The following ARHGEF7 variants were observed in gnomAD, a reference collection of about 807,000 sequenced individuals.
ARHGEF7 encodes the protein PAK-interacting exchange factor beta.
In ARHGEF7, 33 loss-of-function variants were observed where a neutral mutation model predicts 109.8. That is an observed-to-expected ratio of 0.30 (90% CI 0.23 to 0.40). The LOEUF (loss-of-function observed/expected upper bound fraction) is 0.40. Ranked by LOEUF, ARHGEF7 falls within the 10% of genes least tolerant of loss-of-function variation. ARHGEF7 has a pLI of 1.00. For missense variants in ARHGEF7, 938 were observed against 1,098.5 expected (o/e 0.85, Z 2.07); for synonymous variants, 458 against 424.6 (o/e 1.08, Z -0.97).
intron 4 of ARHGEF7, among the ~76,000 whole-genome samples, chr13:111,212,842 G>A (rs1324708373): frequency 6.6e-6 from 1 of 152,158 alleles, no homozygotes; most frequent in African/African-American, 2.4e-5. Flanking sequence ...TCTTACAGTT[G>A]ATGGTATGCC....
intron 15 of ARHGEF7, 169 bp downstream of exon 15, chr13:111,280,846 GA>G: frequency 1.4e-6 from 1 of 739,894 alleles, no homozygotes. Context: ...GTGCAGTAGT[GA>G]ATTGTTTTCC....
intron 12 of ARHGEF7, among the ~76,000 whole-genome samples, chr13:111,276,384 T>C (rs1225521147): frequency 6.6e-6 from 1 of 152,250 alleles, no homozygotes; most frequent in Admixed American, 6.5e-5. Flanking sequence ...TGTGTTTTCC[T>C]TTCCACCTGT....
chr13:111,171,979 C>A (rs1270172657), intron 2 of ARHGEF7, among the ~76,000 whole-genome samples: 1 of 152,214 alleles, frequency 6.6e-6, no homozygotes, highest in Non-Finnish European at 1.5e-5. Flanking sequence ...CTTGGACTTC[C>A]CAGTTCCAGA....
chr13:111,174,383 A>G lies in ARHGEF7; in HGVS notation c.252+20392A>G, dbSNP rs577036936. Among the ~76,000 whole-genome samples the G allele has an allele frequency of 1.2e-4, 18 of 152,280 alleles. No homozygotes were observed. In the South Asian group the frequency reaches 3.5e-3, roughly 30 times the overall value. On this transcript the variant is annotated intron_variant, in intron 2 of 21. Transcript: ENST00000646102. ...CATCTTCATGTCTTCCGAATTCTTC[A>G]AGGCTTTTTTCTCCCCCTTTGGTCC... is the stretch of plus-strand genomic sequence containing the variant.
chr13:111,286,527 T>G (rs1434282164), intron 17 of ARHGEF7, among the ~76,000 whole-genome samples: 1 of 152,150 alleles, frequency 6.6e-6, no homozygotes, highest in African/African-American at 2.4e-5. Context: ...CTCCTGCTCT[T>G]CTGGTTCTCC....
At chr13:111,233,722 G>A (rs1379491727) in intron 6 of ARHGEF7, among the ~76,000 whole-genome samples, 1 of 152,160 alleles carries the variant, frequency 6.6e-6, no homozygotes, top group African/African-American at 2.4e-5. Context: ...GTGTTTCCCA[G>A]GATTGATGTG....
intron 5 of ARHGEF7, among the ~76,000 whole-genome samples, chr13:111,232,435 G>A (rs911241309): frequency 4.6e-5 from 7 of 152,152 alleles, no homozygotes; most frequent in East Asian, 1.9e-4. Flanking sequence ...ACCCCCTCCC[G>A]TAGAACCATT....
At chr13:111,238,339 A>G (rs1244122122) in intron 6 of ARHGEF7, among the ~76,000 whole-genome samples, 7 of 152,182 alleles carry the variant, frequency 4.6e-5, no homozygotes, top group Non-Finnish European at 8.8e-5. Flanking sequence ...TGAGATTGGT[A>G]ATGCTGGCCC....
chr13:111,234,615 A>G (rs955573555), intron 6 of ARHGEF7, among the ~76,000 whole-genome samples: 1 of 152,134 alleles, frequency 6.6e-6, no homozygotes, highest in Non-Finnish European at 1.5e-5. Flanking sequence ...CTCCTCATGC[A>G]TCATGCCACT....
Position 111,153,958 on chromosome 13 carries a change from C to T in ARHGEF7, c.219C>T (p.Phe73=), listed in dbSNP as rs2076081710. The change falls in exon 2 of 22, where the codon TTC becomes TTT. Residue 73 remains phenylalanine, a synonymous_variant. Transcript: ENST00000646102. ...AGTGCCTGAGCAACATCCGCGAGTT[C>T]CTGCGCGGCTGCGGGGCTTCCCTGC... ...ESECLSNIRE[F]LRGCGASLRL... is the part of the protein sequence containing the mutation. 5.6e-6 allele frequency: 9 copies of T among 1,604,458 alleles called. No homozygotes were observed. The highest frequency in any genetic ancestry group is 4.1e-5 in the African/African-American group (3 of 73,290).
intron 8 of ARHGEF7, among the ~76,000 whole-genome samples, chr13:111,264,553 G>C (rs984549274): frequency 1.3e-5 from 2 of 152,122 alleles, no homozygotes; most frequent in African/African-American, 4.8e-5. Context: ...TGCTGTTGCA[G>C]ACCCCACTAA....
At chr13:111,178,738 G>A (rs577641351) in intron 2 of ARHGEF7, among the ~76,000 whole-genome samples, 1 of 152,210 alleles carries the variant, frequency 6.6e-6, no homozygotes, top group African/African-American at 2.4e-5. Context: ...TTCTCTAACT[G>A]TCTCGTTGTA....
chr13:111,192,831 G>A (rs1309340909), intron 2 of ARHGEF7, among the ~76,000 whole-genome samples: 1 of 152,218 alleles, frequency 6.6e-6, no homozygotes, highest in Non-Finnish European at 1.5e-5. Context: ...CACTTCCTGA[G>A]CCTTCTCTGT....
intron 1 of ARHGEF7, among the ~76,000 whole-genome samples, chr13:111,129,192 A>G (rs373068637): frequency 8.5e-5 from 13 of 152,358 alleles, no homozygotes; most frequent in African/African-American, 3.1e-4. Context: ...TATACCTCTT[A>G]GTATACAAAA....
chr13:111,293,041 G>A (rs763611502), intron 19 of ARHGEF7: 29 of 985,260 alleles, frequency 2.9e-5, no homozygotes, highest in South Asian at 1.4e-4. Flanking sequence ...ATGTTCACTC[G>A]CATCTTCACC....
chr13:111,259,988 A>G (rs1015848989), intron 8 of ARHGEF7, among the ~76,000 whole-genome samples: 1 of 152,208 alleles, frequency 6.6e-6, no homozygotes, highest in Non-Finnish European at 1.5e-5. Context: ...AAAATGCATC[A>G]AAGTCTCTTA....
At chr13:111,127,106 G>C (rs1481396090) in intron 1 of ARHGEF7, among the ~76,000 whole-genome samples, 1 of 152,136 alleles carries the variant, frequency 6.6e-6, no homozygotes, top group Non-Finnish European at 1.5e-5. Context: ...TACAGATATC[G>C]AAAGATAATA....
intron 2 of ARHGEF7, among the ~76,000 whole-genome samples, chr13:111,179,312 G>T (rs940393047): frequency 6.6e-6 from 1 of 152,052 alleles, no homozygotes; most frequent in Non-Finnish European, 1.5e-5. Context: ...TTGAACTCCT[G>T]ACCTCAGGTG....
chr13:111,300,637 G>A (rs915273509), intron 19 of ARHGEF7, 111 bp from the exon 20 acceptor site: 1 of 714,402 alleles, frequency 1.4e-6, no homozygotes, highest in African/African-American at 1.8e-5. Flanking sequence ...GTTTTTAAAT[G>A]CATAATTGCT....
Sources: allele counts gnomAD v4.1 joint callset (sites outside exome capture counted in the v4.1 genomes callset), GRCh38; gene constraint gnomAD v4.1.1; transcripts MANE v1.5; gene names NCBI Gene and HGNC (gene_info 2026-07-23, HGNC 2026-07-21).